The following CCSER1 variants were observed in gnomAD, a reference collection of about 807,000 sequenced individuals.
The protein encoded by CCSER1 is serine-rich coiled-coil domain-containing protein 1.
Under a neutral mutation model 82.0 loss-of-function variants are expected in CCSER1, and 41 were observed. That is an observed-to-expected ratio of 0.50 (90% confidence interval 0.39 to 0.65). The LOEUF is 0.65. Among genes scored for constraint, CCSER1 ranks in the 30% least tolerant of loss-of-function variants. The pLI is 0.00. For missense variants in CCSER1, 1,119 were observed against 1,064.2 expected (o/e 1.05, Z -0.72); for synonymous variants, 414 against 383.9 (o/e 1.08, Z -0.92).
At chr4:91,328,030 T>A (rs542597293) in intron 10 of CCSER1, among the ~76,000 whole-genome samples, 5 of 152,304 alleles carry the variant, frequency 3.3e-5, no homozygotes, top group African/African-American at 1.2e-4. Context: ...TCACAACCAT[T>A]CAACAGGTCT....
At chr4:90,963,527 A>G (rs1245090116) in intron 9 of CCSER1, among the ~76,000 whole-genome samples, 3 of 152,114 alleles carry the variant, frequency 2.0e-5, no homozygotes, top group African/African-American at 4.8e-5. Context: ...ATTTAACATT[A>G]AATTAAGTCA....
Position 91,171,881 on chromosome 4 carries a change from G to T in CCSER1, c.2217+85887G>T, listed in dbSNP as rs575882522. Among the ~76,000 whole-genome samples, 108 of 151,898 alleles carry T rather than the reference G, an allele frequency of 7.1e-4. 1 individual carries two copies. In the South Asian group the frequency reaches 0.016, roughly 23 times the overall value. On this transcript the variant is annotated intron_variant, in intron 10 of 10. Transcript: ENST00000509176. ...GACAGGTTTCATGCATGCTAATATT[G>T]TTTTTTATTATTTCAATCTATTTAA...
chr4:90,974,194 A>G (rs972548440), intron 9 of CCSER1, among the ~76,000 whole-genome samples: 2 of 151,626 alleles, frequency 1.3e-5, no homozygotes, highest in Non-Finnish European at 3.0e-5. Flanking sequence ...ATATTTGCTA[A>G]CAGTAGATTT....
At chr4:91,260,560 T>G (rs1053664068) in intron 10 of CCSER1, among the ~76,000 whole-genome samples, 3 of 152,148 alleles carry the variant, frequency 2.0e-5, no homozygotes, top group Non-Finnish European at 2.9e-5. Flanking sequence ...ATATGTAAAC[T>G]ACTGTGTGAT....
intron 10 of CCSER1, among the ~76,000 whole-genome samples, chr4:91,416,835 A>G (rs985105417): frequency 2.6e-5 from 4 of 152,250 alleles, no homozygotes; most frequent in Admixed American, 6.5e-5. Flanking sequence ...AATTGCAACA[A>G]AAGCCAGAAT....
In CCSER1 at chr4:90,441,740, A is replaced by G. The variant is rs1456510012; in HGVS notation, c.1604-26494A>G. On this transcript the variant is annotated intron_variant, in intron 4 of 10. Transcript: ENST00000509176. ...GACAAACGTGGGAGGGTCCACAAGT[A>G]CCTCGTGTCTGTGCTCCTGAACATA... is the stretch of plus-strand genomic sequence containing the variant. Among the ~76,000 whole-genome samples the G allele has an allele frequency of 3.3e-5, 5 of 152,326 alleles. No homozygotes were observed. In the East Asian group the frequency reaches 9.6e-4, roughly 29 times the overall value.
At chr4:91,415,159 T>C (rs1753278742) in intron 10 of CCSER1, among the ~76,000 whole-genome samples, 1 of 152,066 alleles carries the variant, frequency 6.6e-6, no homozygotes, top group South Asian at 2.1e-4. Flanking sequence ...CAGAATATTC[T>C]CCAAGATAGC....
At chr4:90,363,737 G>A (rs6851577) in intron 3 of CCSER1, among the ~76,000 whole-genome samples, 70,779 of 151,750 alleles carry the variant, frequency 0.47, 16,756 homozygotes, top group South Asian at 0.59. Flanking sequence ...TAAACTTAAC[G>A]TATCTTATAA....
At chr4:90,513,789 A>G (rs1487174923) in intron 5 of CCSER1, among the ~76,000 whole-genome samples, 1 of 152,142 alleles carries the variant, frequency 6.6e-6, no homozygotes, top group Non-Finnish European at 1.5e-5. Flanking sequence ...CAAAATTTTT[A>G]AAAATTGAGA....
intron 1 of CCSER1, among the ~76,000 whole-genome samples, chr4:90,156,138 G>T (rs1044326538): frequency 1.3e-4 from 20 of 152,198 alleles, no homozygotes; most frequent in African/African-American, 4.8e-4. Flanking sequence ...GTACCCAGTA[G>T]TCATTCAGGA....
At chr4:90,567,482 G>T (rs1779545960) in intron 5 of CCSER1, among the ~76,000 whole-genome samples, 1 of 151,826 alleles carries the variant, frequency 6.6e-6, no homozygotes, top group Non-Finnish European at 1.5e-5. Context: ...TAGAGACGGG[G>T]TTTCTCCATG....
chr4:91,468,794 G>C (rs1321924574), intron 10 of CCSER1, among the ~76,000 whole-genome samples: 4 of 152,016 alleles, frequency 2.6e-5, no homozygotes, highest in African/African-American at 7.2e-5. Context: ...TAATGCTCTG[G>C]ATGCTGGAAA....
chr4:91,277,565 T>A (rs1179549761), intron 10 of CCSER1, among the ~76,000 whole-genome samples: 1 of 150,932 alleles, frequency 6.6e-6, no homozygotes, highest in Non-Finnish European at 1.5e-5. Context: ...TATTTGTTTT[T>A]TTTCCTCTTT....
At chr4:91,078,787 C>T (rs1215059897) in intron 9 of CCSER1, among the ~76,000 whole-genome samples, 2 of 152,140 alleles carry the variant, frequency 1.3e-5, no homozygotes, top group African/African-American at 2.4e-5. Flanking sequence ...GATGAATGCA[C>T]AAGCTTCAAT....
At chr4:90,897,370 A>G (rs115021559) in intron 8 of CCSER1, among the ~76,000 whole-genome samples, 107 of 152,102 alleles carry the variant, frequency 7.0e-4, no homozygotes, top group African/African-American at 2.4e-3. Flanking sequence ...ATTCCCACTT[A>G]TAAGTGAGAA....
intron 1 of CCSER1, among the ~76,000 whole-genome samples, chr4:90,299,662 C>A (rs1732714297): frequency 6.6e-6 from 1 of 151,928 alleles, no homozygotes; most frequent in Admixed American, 6.6e-5. Context: ...CCATTATTTT[C>A]CCATTTATTT....
Position 90,324,744 on chromosome 4 carries a change from C to G in CCSER1, c.1509+11697C>G, listed in dbSNP as rs1439148104. On this transcript the variant is annotated intron_variant, in intron 3 of 10. Coordinates refer to ENST00000509176, the MANE Select transcript of CCSER1 (RefSeq NM_001145065.2). Reference sequence around the variant, plus strand: ...GGTGTTTTAGACATGAAGTCCTTGCCCATGCCTACATCCTGAATGGTAATG... The same window carrying G: ...GGTGTTTTAGACATGAAGTCCTTGCGCATGCCTACATCCTGAATGGTAATG... Among the ~76,000 whole-genome samples, 5 of 152,202 alleles carry G rather than the reference C, an allele frequency of 3.3e-5. No individual in the cohort carries two copies. The Middle Eastern group carries it at 0.01, about 311-fold the overall frequency.
chr4:90,891,137 A>G (rs1021166292), intron 8 of CCSER1, among the ~76,000 whole-genome samples: 3 of 151,964 alleles, frequency 2.0e-5, no homozygotes, highest in Admixed American at 2.0e-4. Flanking sequence ...AGAGTGAAAC[A>G]GAAAAAGCAA....
chr4:90,493,600 T>G (rs1313706307), intron 5 of CCSER1, among the ~76,000 whole-genome samples: 2 of 152,084 alleles, frequency 1.3e-5, no homozygotes, highest in Non-Finnish European at 2.9e-5. Flanking sequence ...GAGAGTGGGA[T>G]CCAATATTCA....
Sources: allele counts gnomAD v4.1 joint callset (sites outside exome capture counted in the v4.1 genomes callset), GRCh38; gene constraint gnomAD v4.1.1; transcripts MANE v1.5; gene names NCBI Gene and HGNC (gene_info 2026-07-23, HGNC 2026-07-21).